TRAM2: variants seen among roughly 807,000 people sequenced by gnomAD.
The protein encoded by TRAM2 is translocation associated membrane protein 2.
In TRAM2, 12 loss-of-function variants were observed where a neutral mutation model predicts 51.0. The ratio of observed to expected loss-of-function variants is 0.24; its 90% confidence interval spans 0.15 to 0.38. The LOEUF (loss-of-function observed/expected upper bound fraction) is 0.38, where lower values mean the gene tolerates loss of function less well. Among genes scored for constraint, TRAM2 ranks in the 10% least tolerant of loss-of-function variants. The pLI, the probability that TRAM2 is intolerant of heterozygous loss-of-function variation, is 1.00. For synonymous variants in TRAM2, 175 were observed against 179.4 expected (o/e 0.98, Z 0.20); for missense variants, 361 against 462.0 (o/e 0.78, Z 2.00).
At chr6:52,551,934 C>T (rs914351438) in intron 1 of TRAM2, among the ~76,000 whole-genome samples, 3 of 152,370 alleles carry the variant, frequency 2.0e-5, no homozygotes, top group African/African-American at 7.2e-5. Context: ...CTTCTCAGTC[C>T]CCCACAGCAT....
intron 4 of TRAM2, among the ~76,000 whole-genome samples, chr6:52,512,895 C>A (rs1403178798): frequency 6.6e-6 from 1 of 152,204 alleles, no homozygotes; most frequent in Admixed American, 6.5e-5. Flanking sequence ...GGTCCTGGTA[C>A]AAGCACCAGC....
At chr6:52,547,601 C>A (rs977182647) in intron 1 of TRAM2, among the ~76,000 whole-genome samples, 3 of 152,206 alleles carry the variant, frequency 2.0e-5, no homozygotes, top group Non-Finnish European at 4.4e-5. Context: ...TTCTTTTGAA[C>A]CGATGCTACA....
At chr6:52,509,282 TG>T (rs1368985917) in intron 5 of TRAM2, among the ~76,000 whole-genome samples, 6 of 152,228 alleles carry the variant, frequency 3.9e-5, no homozygotes, top group African/African-American at 1.4e-4. Context: ...CTTCTGAATC[TG>T]TCTCATGCAG....
At chr6:52,570,049 T>G (rs2114110314) in intron 1 of TRAM2, among the ~76,000 whole-genome samples, 1 of 152,342 alleles carries the variant, frequency 6.6e-6, no homozygotes, top group East Asian at 1.9e-4. Context: ...TTTGTTTTTC[T>G]GTAAACACAG....
At chr6:52,563,555 TA>T (rs1767536712) in intron 1 of TRAM2, among the ~76,000 whole-genome samples, 1 of 151,756 alleles carries the variant, frequency 6.6e-6, no homozygotes, top group African/African-American at 2.4e-5. Context: ...CCGTCTCTAC[TA>T]AAAATACAAA....
chr6:52,514,272 C>A (rs1766503205), intron 4 of TRAM2, among the ~76,000 whole-genome samples: 1 of 152,104 alleles, frequency 6.6e-6, no homozygotes, highest in Admixed American at 6.5e-5. Flanking sequence ...TTTAAAAAAA[C>A]AAGCTGTTTT....
chr6:52,543,202 T>C (rs138157866), intron 1 of TRAM2, among the ~76,000 whole-genome samples: 1 of 152,346 alleles, frequency 6.6e-6, no homozygotes, highest in African/African-American at 2.4e-5. Flanking sequence ...TAGGTATTTC[T>C]AATACTTACC....
intron 1 of TRAM2, among the ~76,000 whole-genome samples, chr6:52,571,742 A>G (rs1767684717): frequency 6.6e-6 from 1 of 152,172 alleles, no homozygotes; most frequent in South Asian, 2.1e-4. Flanking sequence ...AACTTGGGGG[A>G]AAAGTCTCCA....
At chr6:52,506,771 G>T (rs1766358041) in intron 7 of TRAM2, among the ~76,000 whole-genome samples, 1 of 152,188 alleles carries the variant, frequency 6.6e-6, no homozygotes, top group Admixed American at 6.5e-5. Context: ...CAGGCCACCA[G>T]AGACAGGAGA....
intron 3 of TRAM2, 41 bp downstream of exon 3, chr6:52,516,587 C>T (rs1192790247): frequency 1.3e-6 from 2 of 1,561,050 alleles, no homozygotes; most frequent in African/African-American, 1.4e-5. Flanking sequence ...CCCAAGGCAC[C>T]TCCCCAGCTT....
intron 1 of TRAM2, among the ~76,000 whole-genome samples, chr6:52,539,234 C>T (rs866552517): frequency 7.2e-5 from 11 of 152,196 alleles, no homozygotes; most frequent in South Asian, 4.1e-4. Context: ...AAAGAGACTA[C>T]GAAAAGGACA....
chr6:52,525,116 CG>C (rs1201501776), intron 2 of TRAM2: 2 of 152,246 alleles, frequency 1.3e-5, no homozygotes, highest in Non-Finnish European at 1.5e-5. Context: ...GGTGAGCAGT[CG>C]CTGTGCCCCC....
intron 1 of TRAM2, among the ~76,000 whole-genome samples, chr6:52,539,023 T>C (rs78274921): frequency 0.017 from 2,659 of 152,320 alleles, 65 homozygotes; most frequent in African/African-American, 0.061. Context: ...TGTTGATTCA[T>C]TAACATTGAA....
At chr6:52,504,443 G>A (rs1341408833) in intron 10 of TRAM2, 148 bp downstream of exon 10, 4 of 1,342,620 alleles carry the variant, frequency 3.0e-6, no homozygotes, top group Non-Finnish European at 2.9e-6. Context: ...AGGGAGCTAG[G>A]AGCCCCAGCC....
intron 1 of TRAM2, among the ~76,000 whole-genome samples, chr6:52,575,059 T>C (rs894156472): frequency 6.6e-6 from 1 of 152,200 alleles, no homozygotes; most frequent in African/African-American, 2.4e-5. Flanking sequence ...CAGCAGAGAA[T>C]GCGCTGGGCA....
intron 1 of TRAM2, among the ~76,000 whole-genome samples, chr6:52,546,132 A>G (rs1176740020): frequency 6.6e-6 from 1 of 152,152 alleles, no homozygotes; most frequent in East Asian, 1.9e-4. Flanking sequence ...TGCACTCTGA[A>G]GGGCTGAAGA....
Position 52,505,236 on chromosome 6 carries a change from C to T in TRAM2, c.875+363G>A, listed in dbSNP as rs545643222. ...CGGAAAATAGTGGCTTCCTCACTGCCACAGGAGGCCACTGGCCAAGCCATT... is the reference window on the plus strand; with the variant it reads ...CGGAAAATAGTGGCTTCCTCACTGCTACAGGAGGCCACTGGCCAAGCCATT... On this transcript the variant is annotated intron_variant, in intron 9 of 10. Transcript: ENST00000182527. Among the ~76,000 whole-genome samples the T allele has an allele frequency of 2.0e-5, 3 of 152,332 alleles. No homozygotes were observed. In the East Asian group the frequency reaches 5.8e-4, roughly 29 times the overall value.
At chr6:52,511,891 T>A (rs945522494) in intron 4 of TRAM2, among the ~76,000 whole-genome samples, 2 of 152,020 alleles carry the variant, frequency 1.3e-5, no homozygotes, top group East Asian at 3.9e-4. Flanking sequence ...TCACTACCAC[T>A]CTCTCCTCCC....
In TRAM2 at chr6:52,499,237, C is replaced by G. The variant is rs1766154622; in HGVS notation, c.*3960G>C. ...GAAAATCCTCTCCTGAGAAAAGGAA[C>G]CATAAGCTCGGAAGGCAGAGTGAGG... On this transcript the variant is annotated 3_prime_UTR_variant, in exon 11 of 11. Coordinates refer to ENST00000182527, the MANE Select transcript of TRAM2 (RefSeq NM_012288.4). The G allele has an allele frequency of 6.6e-6, 1 of 152,092 alleles. No homozygotes were observed. The allele number at this position is 152,092 out of a possible 1,614,324, so 9.4% of individuals were successfully genotyped here. A position where few individuals can be genotyped will look rare whatever the true frequency, so the allele number is the denominator to read the frequency against.
Sources: allele counts gnomAD v4.1 joint callset (sites outside exome capture counted in the v4.1 genomes callset), GRCh38; gene constraint gnomAD v4.1.1; transcripts MANE v1.5; gene names NCBI Gene and HGNC (gene_info 2026-07-23, HGNC 2026-07-21).